Variants in NAA11 observed in about 807,000 individuals in gnomAD.
The protein encoded by NAA11 is N-alpha-acetyltransferase 11, NatA catalytic subunit.
A neutral mutation model predicts 16.1 loss-of-function variants in NAA11; 15 were observed. The observed-to-expected ratio is 0.93, with a 90% CI of 0.62 to 1.44. The LOEUF (loss-of-function observed/expected upper bound fraction) is 1.44. Among genes scored for constraint, NAA11 ranks in the 40% most tolerant of loss-of-function variants. The probability of loss-of-function intolerance (pLI) is 0.00; values close to 1 mark genes in which losing one functional copy is unlikely to be tolerated. For synonymous variants in NAA11, 122 were observed against 112.4 expected (o/e 1.09, Z -0.54); for missense variants, 298 against 291.3 (o/e 1.02, Z -0.17).
At chr4:79,312,575 G>A (rs966543156), downstream of NAA11, among the ~76,000 whole-genome samples, 3 of 150,056 alleles carry the variant, frequency 2.0e-5, no homozygotes, top group South Asian at 2.1e-4. Context: ...TACCTGGGAG[G>A]TGGAGGTTGC....
chr4:79,203,151 C>T, the NAA11 span, among the ~76,000 whole-genome samples: 5 of 151,384 alleles, frequency 3.3e-5, no homozygotes, highest in Non-Finnish European at 5.9e-5. Context: ...AGTTTATAAA[C>T]CATGGAAAAA....
chr4:79,218,617 T>C, the NAA11 span, among the ~76,000 whole-genome samples: 1 of 152,100 alleles, frequency 6.6e-6, no homozygotes, highest in African/African-American at 2.4e-5. Context: ...TTCACCATAG[T>C]TCAATTTTTT....
At chr4:79,261,853 T>C (rs1350690519) in intron 2 of NAA11, among the ~76,000 whole-genome samples, 2 of 152,224 alleles carry the variant, frequency 1.3e-5, no homozygotes, top group Non-Finnish European at 2.9e-5. Context: ...GTGGATATTA[T>C]ATACTCCTTT....
the NAA11 span, among the ~76,000 whole-genome samples, chr4:79,171,042 CAT>C: frequency 1.3e-5 from 2 of 152,136 alleles, no homozygotes; most frequent in Non-Finnish European, 2.9e-5. Flanking sequence ...ATGTTGATAA[CAT>C]AGTGCTTGGC....
chr4:79,322,487 G>GTGTA (rs61577259), intron 1 of NAA11, among the ~76,000 whole-genome samples: 6,972 of 92,296 alleles, frequency 0.076, 236 homozygotes, highest in African/African-American at 0.16. Flanking sequence ...AGTTTTATAG[G>GTGTA]TGTGTGTGTG....
intron 2 of NAA11, among the ~76,000 whole-genome samples, chr4:79,264,728 T>C (rs1290895172): frequency 2.0e-5 from 3 of 152,162 alleles, no homozygotes; most frequent in African/African-American, 7.2e-5. Flanking sequence ...CACTGGGCAC[T>C]TCTTTTCAGT....
intron 2 of NAA11, among the ~76,000 whole-genome samples, chr4:79,269,352 C>G (rs1722429535): frequency 7.5e-6 from 1 of 132,466 alleles, no homozygotes; most frequent in East Asian, 2.3e-4. Flanking sequence ...TCCACATCCT[C>G]TCCAGCACCT....
chr4:79,275,178 T>TAG (rs3030374), intron 2 of NAA11, among the ~76,000 whole-genome samples: 93,880 of 151,734 alleles, frequency 0.62, 30,347 homozygotes, highest in African/African-American at 0.8. Context: ...AGGATTCCTA[T>TAG]ATTTCTTCTT....
Position 79,325,995 on chromosome 4 carries a change from G to A in NAA11, c.-118C>T, listed in dbSNP as rs191868614. 2 of 814,218 alleles carry A rather than the reference G, an allele frequency of 2.5e-6. No individual in the cohort carries two copies. The highest frequency in any genetic ancestry group is 3.5e-5 in the African/African-American group (2 of 57,620). 50.4% of individuals were successfully genotyped at this position (814,218 alleles called of 1,614,324 possible). A position where few individuals can be genotyped will look rare whatever the true frequency, so the allele number is the denominator to read the frequency against. On this transcript the variant is annotated 5_prime_UTR_variant, in exon 1 of 2. Transcript: ENST00000286794. ...TCCAGGGGGCTAACACCACCGGGCT[G>A]AATCGTGTGGAGGGCGGATGGCGGG...
chr4:79,203,030 C>T, the NAA11 span, among the ~76,000 whole-genome samples: 1 of 151,266 alleles, frequency 6.6e-6, no homozygotes, highest in Non-Finnish European at 1.5e-5. Flanking sequence ...ATATGTAAAG[C>T]CATAATTAAA....
chr4:79,164,841 G>T, the NAA11 span, among the ~76,000 whole-genome samples: 3 of 152,152 alleles, frequency 2.0e-5, no homozygotes, highest in East Asian at 5.8e-4. Context: ...ATTAGCAATG[G>T]CATCTCGTAC....
chr4:79,162,483 A>G, the NAA11 span, among the ~76,000 whole-genome samples: 1 of 152,236 alleles, frequency 6.6e-6, no homozygotes, highest in Non-Finnish European at 1.5e-5. Context: ...GTGATTAGTG[A>G]GTACTAAAGA....
At chr4:79,302,432 A>G (rs1047179112) in intron 1 of NAA11, among the ~76,000 whole-genome samples, 8 of 152,340 alleles carry the variant, frequency 5.3e-5, no homozygotes, top group African/African-American at 1.7e-4. Flanking sequence ...ATGGTAGGAC[A>G]AAATGAAAAG....
intron 1 of NAA11, among the ~76,000 whole-genome samples, chr4:79,323,011 T>C (rs1052542145): frequency 2.0e-5 from 3 of 152,232 alleles, no homozygotes; most frequent in African/African-American, 7.2e-5. Flanking sequence ...TATTCTTAAA[T>C]GCTATATAAT....
At chr4:79,198,533 T>G in the NAA11 span, among the ~76,000 whole-genome samples, 2 of 151,814 alleles carry the variant, frequency 1.3e-5, no homozygotes, top group African/African-American at 4.8e-5. Flanking sequence ...TGTTTTGGTG[T>G]TTTCTGAGGT....
intron 2 of NAA11, among the ~76,000 whole-genome samples, chr4:79,255,849 A>G (rs921365768): frequency 1.3e-5 from 2 of 152,232 alleles, no homozygotes; most frequent in Non-Finnish European, 2.9e-5. Context: ...AGTCATATTT[A>G]TACCCACTTT....
intron 2 of NAA11, among the ~76,000 whole-genome samples, chr4:79,276,823 C>T (rs976547579): frequency 1.3e-5 from 2 of 152,090 alleles, no homozygotes; most frequent in Non-Finnish European, 2.9e-5. Context: ...ATGGGGAATA[C>T]CAGATCAATT....
intron 2 of NAA11, among the ~76,000 whole-genome samples, chr4:79,259,604 C>G (rs904227532): frequency 1.4e-4 from 21 of 152,178 alleles, no homozygotes; most frequent in Non-Finnish European, 1.3e-4. Flanking sequence ...GCCCAGCAGG[C>G]CCAAACAAAA....
At chr4:79,319,085 G>A (rs1299168390) in intron 1 of NAA11, among the ~76,000 whole-genome samples, 2 of 152,132 alleles carry the variant, frequency 1.3e-5, no homozygotes, top group African/African-American at 2.4e-5. Flanking sequence ...ACACCACCAC[G>A]CTGGCTAATG....
Sources: gnomAD v4.1 joint callset for allele counts (sites outside exome capture counted in the v4.1 genomes callset) on GRCh38, gnomAD v4.1.1 for gene constraint, MANE v1.5 for transcripts, NCBI Gene and HGNC (gene_info 2026-07-23, HGNC 2026-07-21) for gene names.